The following ZNF438 variants were observed in gnomAD, a reference collection of about 807,000 sequenced individuals.
ZNF438 encodes the protein zinc finger protein 438.
A neutral mutation model predicts 38.0 loss-of-function variants in ZNF438; 25 were observed. That is an observed-to-expected ratio of 0.66 (90% CI 0.48 to 0.92). The LOEUF (loss-of-function observed/expected upper bound fraction) is 0.92. Ranked by LOEUF, ZNF438 falls within the 40% of genes least tolerant of loss-of-function variation. The pLI is 0.00. For synonymous variants in ZNF438, 372 were observed against 364.1 expected, an observed-to-expected ratio of 1.02 and a Z score of -0.25; for missense variants, 1,007 against 999.6, an observed-to-expected ratio of 1.01 and a Z score of -0.10.
chr10:30,846,217 T>C (rs981222891), intron 5 of ZNF438, among the ~76,000 whole-genome samples: 2 of 152,222 alleles, frequency 1.3e-5, no homozygotes, highest in African/African-American at 4.8e-5. Flanking sequence ...GGCAAGAGCG[T>C]CTGTTTTCAT....
intron 2 of ZNF438, among the ~76,000 whole-genome samples, chr10:30,926,386 G>A (rs1220231527): frequency 6.6e-6 from 1 of 152,112 alleles, no homozygotes; most frequent in Admixed American, 6.5e-5. Context: ...AACAAAGTAC[G>A]GCTAGGCGCA....
At chr10:31,004,520 T>C (rs2054939684) in intron 1 of ZNF438, among the ~76,000 whole-genome samples, 1 of 152,030 alleles carries the variant, frequency 6.6e-6, no homozygotes, top group African/African-American at 2.4e-5. Flanking sequence ...ATAACACTGA[T>C]AGGGGGTTAA....
At chr10:31,028,888 AG>A (rs2057108570) in intron 1 of ZNF438, among the ~76,000 whole-genome samples, 1 of 152,352 alleles carries the variant, frequency 6.6e-6, no homozygotes, top group South Asian at 2.1e-4. Context: ...GCATGAACCC[AG>A]TCAGGTCGTA....
chr10:30,965,157 T>A (rs1471282208), intron 1 of ZNF438, among the ~76,000 whole-genome samples: 1 of 152,000 alleles, frequency 6.6e-6, no homozygotes, highest in Non-Finnish European at 1.5e-5. Flanking sequence ...AAAGAATACA[T>A]AAAAACAGCC....
chr10:31,013,731 T>C (rs118054133), intron 1 of ZNF438, among the ~76,000 whole-genome samples: 1 of 152,172 alleles, frequency 6.6e-6, no homozygotes, highest in East Asian at 1.9e-4. Context: ...CTCCACATTT[T>C]CTATCTCTCC....
At chr10:30,856,016 CG>C (rs1482853160) in intron 4 of ZNF438, among the ~76,000 whole-genome samples, 16 of 152,264 alleles carry the variant, frequency 1.1e-4, no homozygotes, top group African/African-American at 3.9e-4. Flanking sequence ...GAAAGGAAAA[CG>C]AAAGTTTCCC....
At chr10:30,892,832 T>C (rs1259670209) in intron 3 of ZNF438, among the ~76,000 whole-genome samples, 1 of 152,250 alleles carries the variant, frequency 6.6e-6, no homozygotes, top group African/African-American at 2.4e-5. Flanking sequence ...AATATATTTT[T>C]GAGAGTTTGC....
At chr10:30,956,050 T>G (rs1165884674) in intron 1 of ZNF438, among the ~76,000 whole-genome samples, 4 of 152,206 alleles carry the variant, frequency 2.6e-5, no homozygotes, top group African/African-American at 9.6e-5. Context: ...CATTTTCGTC[T>G]TACTAAATAA....
intron 2 of ZNF438, among the ~76,000 whole-genome samples, chr10:30,931,297 T>C (rs2934648): frequency 0.13 from 19,303 of 152,216 alleles, 1,610 homozygotes; most frequent in Middle Eastern, 0.24. Flanking sequence ...ATGAGATCAT[T>C]TGAGTTTTTG....
chr10:30,969,017 A>G (rs1378213408), intron 1 of ZNF438, among the ~76,000 whole-genome samples: 1 of 152,178 alleles, frequency 6.6e-6, no homozygotes, highest in Non-Finnish European at 1.5e-5. Flanking sequence ...CAAAAATACA[A>G]TGGAGAAAAA....
chr10:30,958,447 A>G (rs2049105651), intron 1 of ZNF438, among the ~76,000 whole-genome samples: 1 of 147,116 alleles, frequency 6.8e-6, no homozygotes. Context: ...TTAGAGCAAA[A>G]TCCATGATCC....
chr10:31,028,327 G>A (rs745968406), intron 1 of ZNF438, among the ~76,000 whole-genome samples: 6 of 152,130 alleles, frequency 3.9e-5, no homozygotes, highest in African/African-American at 9.7e-5. Flanking sequence ...TTTCTCTGGT[G>A]AGCCCTGTCA....
chr10:30,906,526 G>A (rs763368971), intron 3 of ZNF438, among the ~76,000 whole-genome samples: 6 of 152,022 alleles, frequency 3.9e-5, no homozygotes, highest in African/African-American at 7.2e-5. Flanking sequence ...AATAGAGAAC[G>A]TTTTTCTTCT....
intron 1 of ZNF438, among the ~76,000 whole-genome samples, chr10:30,965,648 A>G (rs2050030778): frequency 6.6e-6 from 1 of 152,244 alleles, no homozygotes; most frequent in South Asian, 2.1e-4. Flanking sequence ...AAGTGAATTA[A>G]CTTAGGAACA....
intron 1 of ZNF438, among the ~76,000 whole-genome samples, chr10:30,978,185 G>C (rs892024246): frequency 6.6e-6 from 1 of 152,136 alleles, no homozygotes; most frequent in South Asian, 2.1e-4. Context: ...CAAGAAACTG[G>C]AAATGTACAC....
At chr10:30,933,943 G>A (rs941721340) in intron 2 of ZNF438, among the ~76,000 whole-genome samples, 15 of 152,092 alleles carry the variant, frequency 9.9e-5, no homozygotes, top group African/African-American at 3.1e-4. Flanking sequence ...TCAGGAGATC[G>A]AGACCATCCT....
chr10:30,926,372 G>T (rs2044915813), intron 2 of ZNF438, among the ~76,000 whole-genome samples: 2 of 152,114 alleles, frequency 1.3e-5, no homozygotes, highest in South Asian at 4.1e-4. Flanking sequence ...AACAATATTA[G>T]AATAACAAAG....
At chr10:31,014,449 AG>A (rs1257875234) in intron 1 of ZNF438, among the ~76,000 whole-genome samples, 1 of 152,174 alleles carries the variant, frequency 6.6e-6, no homozygotes, top group Admixed American at 6.5e-5. Flanking sequence ...TCTTCTTATA[AG>A]CGCACTATTC....
intron 1 of ZNF438, among the ~76,000 whole-genome samples, chr10:31,006,779 G>C (rs1163242217): frequency 6.0e-5 from 2 of 33,516 alleles, no homozygotes; most frequent in East Asian, 1.6e-3. Flanking sequence ...GGCGGGGGGC[G>C]GGGGGGGGAA....
Sources: allele counts gnomAD v4.1 joint callset (sites outside exome capture counted in the v4.1 genomes callset), GRCh38; gene constraint gnomAD v4.1.1; transcripts MANE v1.5; gene names NCBI Gene and HGNC (gene_info 2026-07-23, HGNC 2026-07-21).